DNAH9: variants seen among roughly 807,000 people sequenced by gnomAD.
DNAH9 encodes DNAH9 variant protein.
DNAH9 carries 345 observed loss-of-function variants against 471.6 expected under a neutral mutation model. That is an observed-to-expected ratio of 0.73 (90% confidence interval 0.67 to 0.80). The LOEUF (loss-of-function observed/expected upper bound fraction) is 0.80, where lower values mean the gene tolerates loss of function less well. Among genes scored for constraint, DNAH9 ranks in the 30% least tolerant of loss-of-function variants. The pLI is 0.00. For missense variants in DNAH9, 5,407 were observed against 5,609.2 expected (o/e 0.96, Z 1.15); for synonymous variants, 2,093 against 2,123.6 (o/e 0.99, Z 0.40).
rs757655003 is a variant in DNAH9 at position 11,680,825 on chromosome 17, T to A, written c.3679T>A (p.Cys1227Ser). 12 of 1,613,874 alleles carry A rather than the reference T, an allele frequency of 7.4e-6. No individual in the cohort carries two copies. In the East Asian group the frequency reaches 2.7e-4, roughly 36 times the overall value. ...TGAAGTGACACTCCTCCGCCAGAGG[T>A]GCACAGCCTTCGATGCAGAACAGCA... is the stretch of plus-strand genomic sequence containing the variant. The part of the protein sequence containing the change: ...ANEVTLLRQR[C>S]TAFDAEQQQF... The change falls in exon 19 of 69, where the codon TGC becomes AGC. Residue 1227 changes from cysteine (C) to serine (S), a missense_variant. Transcript: ENST00000262442.
intron 60 of DNAH9, 34 bp downstream of exon 60, chr17:11,902,946 G>C (rs930756108): frequency 6.3e-7 from 1 of 1,595,232 alleles, no homozygotes. Flanking sequence ...CCCAGCATAG[G>C]CATGGGGCAA....
At position 11,787,828 on chromosome 17, in the gene DNAH9, G is replaced by A. The variant is rs557636513; in HGVS notation, c.8061+3289G>A. Among the ~76,000 whole-genome samples the A allele has an allele frequency of 3.3e-5, 5 of 152,226 alleles. No individual in the cohort carries two copies. In the East Asian group the frequency reaches 5.8e-4, roughly 18 times the overall value. The stretch of plus-strand genomic sequence containing the variant: ...TCTGATGATTTTATCAGGGGTTTCC[G>A]CTTTTGCATCTTTCTCATTTTCTCT... On this transcript the variant is annotated intron_variant, in intron 41 of 68. Coordinates refer to ENST00000262442, the MANE Select transcript of DNAH9 (RefSeq NM_001372.4).
intron 38 of DNAH9, among the ~76,000 whole-genome samples, chr17:11,772,383 C>A (rs184567220): frequency 1.3e-5 from 2 of 152,154 alleles, no homozygotes; most frequent in East Asian, 3.8e-4. Context: ...GAGTTTCTCA[C>A]ACTGCCCTGA....
chr17:11,770,788 T>A (rs1968176390), intron 38 of DNAH9, among the ~76,000 whole-genome samples: 1 of 152,220 alleles, frequency 6.6e-6, no homozygotes, highest in Non-Finnish European at 1.5e-5. Context: ...AAGCATGACA[T>A]ACTTTTAAGT....
chr17:11,613,813 G>A (rs1161211508), intron 4 of DNAH9, among the ~76,000 whole-genome samples: 1 of 152,100 alleles, frequency 6.6e-6, no homozygotes, highest in Non-Finnish European at 1.5e-5. Flanking sequence ...GGACATATGT[G>A]AATGCCTGAA....
At chr17:11,762,770 G>GTTTTGTTTTTTTTTT (rs1967747335) in intron 35 of DNAH9, among the ~76,000 whole-genome samples, 1 of 90,744 alleles carries the variant, frequency 1.1e-5, no homozygotes, top group Non-Finnish European at 2.2e-5. Context: ...TTTTTTTTTT[G>GTTTTGTTTTTTTTTT]TTTTTTTTTT....
chr17:11,922,571 C>T (rs888147132), intron 61 of DNAH9, among the ~76,000 whole-genome samples: 2 of 152,184 alleles, frequency 1.3e-5, no homozygotes, highest in Non-Finnish European at 2.9e-5. Flanking sequence ...ATGGCTGCCA[C>T]ATTTGTGTGT....
intron 59 of DNAH9, among the ~76,000 whole-genome samples, chr17:11,899,821 G>C (rs1385303970): frequency 6.6e-6 from 1 of 152,170 alleles, no homozygotes; most frequent in African/African-American, 2.4e-5. Flanking sequence ...GAGCCCTCCT[G>C]CTGGCCAGGC....
chr17:11,761,109 TCTC>T (rs531241418), intron 35 of DNAH9, among the ~76,000 whole-genome samples: 44 of 152,386 alleles, frequency 2.9e-4, no homozygotes, highest in African/African-American at 7.7e-4. Flanking sequence ...GACTAGTTCT[TCTC>T]CTGACCCTGC....
In DNAH9 at chr17:11,760,559, G is replaced by A. The variant is rs777002199; in HGVS notation, c.6995+2867G>A. On this transcript the variant is annotated intron_variant, in intron 35 of 68. Transcript: ENST00000262442. The stretch of plus-strand genomic sequence containing the variant: ...TTTTGAGACGGAGTCTTGCTCTGTC[G>A]CCCAGGCTGGAGTGCAGTGGCGCGA... Among the ~76,000 whole-genome samples the A allele has an allele frequency of 4.6e-5, 7 of 151,158 alleles. No homozygotes were observed. The East Asian group carries it at 5.9e-4, about 13-fold the overall frequency.
rs1974133520 is a variant in DNAH9 at position 11,921,330 on chromosome 17, G to A, written c.11750-2484G>A. ...CTAGAAAAAATGTTCCCCTTCCAAC[G>A]CCAATGCCATAGGGGTATGGAACTA... On this transcript the variant is annotated intron_variant, in intron 61 of 68. Transcript: ENST00000262442. 5.3e-5 allele frequency among the ~76,000 whole-genome samples: 8 copies of A among 151,734 alleles called. No homozygotes were observed. The South Asian group carries it at 1.5e-3, about 28-fold the overall frequency.
intron 59 of DNAH9, among the ~76,000 whole-genome samples, chr17:11,895,543 C>A (rs534638041): frequency 6.6e-6 from 1 of 152,228 alleles, no homozygotes; most frequent in East Asian, 1.9e-4. Flanking sequence ...CAGAGATATC[C>A]CTTGTACCCA....
chr17:11,902,642 G>T, intron 59 of DNAH9, 77 bp from the exon 60 acceptor site: 1 of 1,290,422 alleles, frequency 7.7e-7, no homozygotes, highest in Non-Finnish European at 1.1e-6. Context: ...AGACCATCTG[G>T]CCCCTCAATC....
At chr17:11,608,522 A>G (rs1435695582) in intron 2 of DNAH9, among the ~76,000 whole-genome samples, 197 bp downstream of exon 2, 1 of 152,164 alleles carries the variant, frequency 6.6e-6, no homozygotes, top group Non-Finnish European at 1.5e-5. Flanking sequence ...TGGCCCAGCC[A>G]CTGCATGAAG....
intron 27 of DNAH9, among the ~76,000 whole-genome samples, chr17:11,722,717 G>A (rs2075082602): frequency 6.6e-6 from 1 of 152,144 alleles, no homozygotes; most frequent in Non-Finnish European, 1.5e-5. Flanking sequence ...AAGACTTGAA[G>A]CAAAGGTAAA....
At chr17:11,809,995 T>C (rs952853422) in intron 44 of DNAH9, among the ~76,000 whole-genome samples, 2 of 152,082 alleles carry the variant, frequency 1.3e-5, no homozygotes, top group Non-Finnish European at 2.9e-5. Context: ...GGAGCTAGCA[T>C]GGTTGTATGA....
chr17:11,644,438 G>A (rs1204991535), intron 10 of DNAH9, among the ~76,000 whole-genome samples, 193 bp from the exon 11 acceptor site: 6 of 152,234 alleles, frequency 3.9e-5, no homozygotes, highest in African/African-American at 1.4e-4. Flanking sequence ...GGAGCTGCCT[G>A]CGTTTCAGGA....
intron 14 of DNAH9, among the ~76,000 whole-genome samples, chr17:11,662,725 A>G (rs2073791253): frequency 7.5e-6 from 1 of 133,644 alleles, no homozygotes; most frequent in African/African-American, 2.8e-5. Context: ...CTGATGGATC[A>G]CCTTGATCCT....
chr17:11,925,117 A>G (rs567219134), intron 62 of DNAH9: 6 of 442,842 alleles, frequency 1.4e-5, no homozygotes, highest in Non-Finnish European at 2.7e-5. Flanking sequence ...TGCTACGTTG[A>G]CATGGTTTAT....
Sources: gnomAD v4.1 joint callset for allele counts (sites outside exome capture counted in the v4.1 genomes callset) on GRCh38, gnomAD v4.1.1 for gene constraint, MANE v1.5 for transcripts, NCBI Gene and HGNC (gene_info 2026-07-23, HGNC 2026-07-21) for gene names.